The following HECW1 variants were observed in gnomAD, a reference collection of about 807,000 sequenced individuals.
The protein encoded by HECW1 is E3 ubiquitin-protein ligase HECW1.
HECW1 carries 61 observed loss-of-function variants against 182.3 expected under a neutral mutation model. That is an observed-to-expected ratio of 0.33 (90% CI 0.27 to 0.41). The LOEUF is 0.41. Among genes scored for constraint, HECW1 ranks in the 10% least tolerant of loss-of-function variants. The probability of loss-of-function intolerance (pLI) is 1.00; values close to 1 mark genes in which losing one functional copy is unlikely to be tolerated. For synonymous variants in HECW1, 859 were observed against 832.6 expected (o/e 1.03, Z -0.55); for missense variants, 1,739 against 2,108.9 (o/e 0.82, Z 3.44).
At chr7:43,274,469 G>A (rs1802831161) in intron 3 of HECW1, 3 of 625,964 alleles carry the variant, frequency 4.8e-6, no homozygotes, top group South Asian at 1.6e-5. Flanking sequence ...ACCACCATGG[G>A]CCGGCACCGC....
chr7:43,214,296 G>A (rs541403101), intron 2 of HECW1, among the ~76,000 whole-genome samples: 7 of 152,178 alleles, frequency 4.6e-5, no homozygotes, highest in African/African-American at 1.7e-4. Flanking sequence ...AAAGGAGATT[G>A]TAACTGTCCT....
chr7:43,380,517 T>G lies in HECW1; in HGVS notation c.556-16297T>G, dbSNP rs1489552658. ...GCTATGAATATTTTTATACATTTTT[T>G]TGGTGAATGTATGTGATTTTTTCCC... On this transcript the variant is annotated intron_variant, in intron 6 of 29. Coordinates refer to ENST00000395891, the MANE Select transcript of HECW1 (RefSeq NM_015052.5). Among the ~76,000 whole-genome samples the G allele has an allele frequency of 2.6e-5, 4 of 152,290 alleles. No homozygotes were observed. In the East Asian group the frequency reaches 7.7e-4, roughly 29 times the overall value.
intron 8 of HECW1, among the ~76,000 whole-genome samples, chr7:43,411,734 G>A (rs1039516009): frequency 2.6e-4 from 39 of 152,188 alleles, no homozygotes; most frequent in African/African-American, 9.4e-4. Flanking sequence ...ATTTTTGGTA[G>A]TGCTCCTTGT....
chr7:43,488,488 GAGAAAGAAAGAAAGAAAAGA>G (rs2078801134), intron 17 of HECW1, among the ~76,000 whole-genome samples: 1 of 112,606 alleles, frequency 8.9e-6, no homozygotes. Context: ...AAGAAAGAAA[GAGAAAGAAAGAAAGAAAAGA>G]AAAGAAAGAA....
chr7:43,492,792 T>C (rs1021056325), intron 18 of HECW1, among the ~76,000 whole-genome samples: 2 of 152,246 alleles, frequency 1.3e-5, no homozygotes, highest in Non-Finnish European at 2.9e-5. Context: ...AGAGCTATTT[T>C]GTTCTCCTTT....
At chr7:43,494,535 G>C (rs918457347) in intron 19 of HECW1, among the ~76,000 whole-genome samples, 14 of 145,348 alleles carry the variant, frequency 9.6e-5, no homozygotes, top group African/African-American at 3.1e-4. Flanking sequence ...ACAGAGTCTT[G>C]CTCTGTTGCC....
intron 6 of HECW1, among the ~76,000 whole-genome samples, chr7:43,391,674 C>T (rs1215810886): frequency 6.6e-6 from 1 of 152,128 alleles, no homozygotes; most frequent in Non-Finnish European, 1.5e-5. Flanking sequence ...TTTCAGTTTA[C>T]AGGTCTTTCT....
chr7:43,200,605 C>T (rs1794937429), intron 2 of HECW1, among the ~76,000 whole-genome samples: 1 of 152,202 alleles, frequency 6.6e-6, no homozygotes, highest in Non-Finnish European at 1.5e-5. Flanking sequence ...AGGTGAGACA[C>T]AGAGCTTTGC....
At chr7:43,336,167 TCTC>T (rs1562854016) in intron 5 of HECW1, among the ~76,000 whole-genome samples, 6 of 123,704 alleles carry the variant, frequency 4.9e-5, no homozygotes, top group African/African-American at 1.3e-4. Flanking sequence ...TCTCTCTCTC[TCTC>T]TCTCTCTCTC....
intron 13 of HECW1, among the ~76,000 whole-genome samples, chr7:43,462,584 G>C (rs931790293): frequency 1.9e-4 from 29 of 152,296 alleles, no homozygotes; most frequent in Non-Finnish European, 3.4e-4. Context: ...GGGGCTGGCA[G>C]TCTGTGTTTT....
chr7:43,480,766 A>G (rs1420540192), intron 17 of HECW1, among the ~76,000 whole-genome samples: 5 of 151,922 alleles, frequency 3.3e-5, no homozygotes, highest in Non-Finnish European at 5.9e-5. Flanking sequence ...ACAGTGAGTC[A>G]TTCCAGGGAG....
chr7:43,320,520 T>C (rs1809972557), intron 4 of HECW1, 115 bp from the exon 5 acceptor site: 1 of 716,596 alleles, frequency 1.4e-6, no homozygotes, highest in Admixed American at 2.7e-5. Flanking sequence ...TCCAGGTGCT[T>C]TTTCTTCTGT....
chr7:43,543,781 C>CAAAAAAAAAAAAAAAAA, intron 26 of HECW1, among the ~76,000 whole-genome samples: 1 of 49,606 alleles, frequency 2.0e-5, no homozygotes, highest in Non-Finnish European at 4.5e-5. Context: ...CTCCATCTCA[C>CAAAAAAAAAAAAAAAAA]AAAAAAAAAA....
intron 24 of HECW1, among the ~76,000 whole-genome samples, chr7:43,540,498 C>G (rs2081326382): frequency 6.6e-6 from 1 of 152,214 alleles, no homozygotes; most frequent in African/African-American, 2.4e-5. Flanking sequence ...AGTCAATGCT[C>G]CGACAAGCAT....
intron 16 of HECW1, among the ~76,000 whole-genome samples, chr7:43,471,037 T>A (rs1487128657): frequency 6.6e-6 from 1 of 152,226 alleles, no homozygotes; most frequent in Non-Finnish European, 1.5e-5. Context: ...GTTGCCTTCA[T>A]GATTTTACAA....
intron 2 of HECW1, among the ~76,000 whole-genome samples, chr7:43,172,832 A>G (rs892856433): frequency 6.6e-6 from 1 of 152,192 alleles, no homozygotes; most frequent in Non-Finnish European, 1.5e-5. Flanking sequence ...CACAGCATGA[A>G]GGACTCGTGT....
At chr7:43,267,017 T>C (rs909072751) in intron 3 of HECW1, among the ~76,000 whole-genome samples, 3 of 152,170 alleles carry the variant, frequency 2.0e-5, no homozygotes, top group African/African-American at 7.2e-5. Context: ...TCAAAATAGG[T>C]AAAGCAAAAA....
At chr7:43,382,644 T>C (rs1276250565) in intron 6 of HECW1, among the ~76,000 whole-genome samples, 2 of 152,226 alleles carry the variant, frequency 1.3e-5, no homozygotes, top group East Asian at 1.9e-4. Context: ...GAATAGTATC[T>C]GTAAGATGAA....
At chr7:43,366,604 C>A (rs1816681358) in intron 6 of HECW1, among the ~76,000 whole-genome samples, 1 of 152,140 alleles carries the variant, frequency 6.6e-6, no homozygotes, top group Non-Finnish European at 1.5e-5. Flanking sequence ...ATTTGGAAGA[C>A]ACCTCAACTT....
Sources: allele counts gnomAD v4.1 joint callset (sites outside exome capture counted in the v4.1 genomes callset), GRCh38; gene constraint gnomAD v4.1.1; transcripts MANE v1.5; gene names NCBI Gene and HGNC (gene_info 2026-07-23, HGNC 2026-07-21).